Variants in RBFOX1 observed in about 807,000 individuals in gnomAD.
The protein encoded by RBFOX1 is RNA binding fox-1 homolog 1.
Under a neutral mutation model 57.7 loss-of-function variants are expected in RBFOX1, and 8 were observed. That is an observed-to-expected ratio of 0.14 (90% CI 0.08 to 0.25). The LOEUF is 0.25. Ranked by LOEUF, RBFOX1 falls within the 10% of genes least tolerant of loss-of-function variation. The pLI, the probability that RBFOX1 is intolerant of heterozygous loss-of-function variation, is 1.00. For synonymous variants in RBFOX1, 326 were observed against 222.4 expected (o/e 1.47, Z -4.15); for missense variants, 611 against 548.5 (o/e 1.11, Z -1.14).
intron 3 of RBFOX1, among the ~76,000 whole-genome samples, chr16:6,834,523 A>AATGC (rs1478317728): frequency 6.6e-6 from 1 of 152,048 alleles, no homozygotes; most frequent in Non-Finnish European, 1.5e-5. Flanking sequence ...TGAATGAATG[A>AATGC]ATGAATCAGT....
At chr16:5,892,195 C>T (rs967364725) in intron 4 of RBFOX1, among the ~76,000 whole-genome samples, 2 of 152,120 alleles carry the variant, frequency 1.3e-5, no homozygotes, top group African/African-American at 2.4e-5. Context: ...GAGGGGCTGG[C>T]AGTGCTAGGT....
chr16:7,654,753 A>G (rs1216004571), intron 12 of RBFOX1, among the ~76,000 whole-genome samples: 1 of 152,184 alleles, frequency 6.6e-6, no homozygotes, highest in African/African-American at 2.4e-5. Context: ...GGAGAAAGGG[A>G]TACCTCCAAG....
At chr16:7,543,245 T>C (rs75471238) in intron 5 of RBFOX1, among the ~76,000 whole-genome samples, 1 of 152,334 alleles carries the variant, frequency 6.6e-6, no homozygotes, top group East Asian at 1.9e-4. Flanking sequence ...TTTAGGCAAG[T>C]CTTACAAATC....
At chr16:5,348,646 G>A (rs77016253) in intron 1 of RBFOX1, among the ~76,000 whole-genome samples, 10,288 of 152,218 alleles carry the variant, frequency 0.068, 733 homozygotes, top group African/African-American at 0.18. Flanking sequence ...GACATGGAAC[G>A]TGAATTTATA....
intron 3 of RBFOX1, among the ~76,000 whole-genome samples, chr16:6,967,640 A>G (rs2084573122): frequency 6.6e-6 from 1 of 151,986 alleles, no homozygotes; most frequent in South Asian, 2.1e-4. Context: ...TTGAACAGCG[A>G]AGTGTGTGTT....
chr16:6,736,083 T>C (rs75325650), intron 3 of RBFOX1, among the ~76,000 whole-genome samples: 152,197 of 152,198 alleles, frequency 1, 76,098 homozygotes, highest in Middle Eastern at 1. Flanking sequence ...TACACAATTT[T>C]TGTTCAAATT....
chr16:5,818,570 C>A (rs778103890), intron 3 of RBFOX1, among the ~76,000 whole-genome samples: 41 of 152,258 alleles, frequency 2.7e-4, no homozygotes, highest in Middle Eastern at 3.4e-3. Flanking sequence ...TGGTCTAAGT[C>A]CATTAATAAG....
chr16:7,281,895 C>G (rs1439832244), intron 4 of RBFOX1, among the ~76,000 whole-genome samples: 1 of 152,092 alleles, frequency 6.6e-6, no homozygotes, highest in African/African-American at 2.4e-5. Context: ...AGGTCTTACT[C>G]TGTCACCCAG....
intron 4 of RBFOX1, among the ~76,000 whole-genome samples, chr16:5,886,109 A>T (rs2057892940): frequency 6.6e-6 from 1 of 152,124 alleles, no homozygotes; most frequent in South Asian, 2.1e-4. Context: ...CATGGTCATA[A>T]GCTTCCTGAG....
At chr16:7,387,124 G>A (rs577433617) in intron 4 of RBFOX1, among the ~76,000 whole-genome samples, 2 of 152,048 alleles carry the variant, frequency 1.3e-5, no homozygotes, top group South Asian at 4.2e-4. Context: ...CTGGATATTA[G>A]CCCTTTGTCA....
chr16:6,490,616 A>G (rs1311865643), intron 2 of RBFOX1, among the ~76,000 whole-genome samples: 5 of 152,188 alleles, frequency 3.3e-5, no homozygotes, highest in East Asian at 1.9e-4. Flanking sequence ...TATGGACTGC[A>G]TTTTACCTGA....
intron 2 of RBFOX1, among the ~76,000 whole-genome samples, chr16:6,488,931 T>C (rs1376274108): frequency 6.6e-6 from 1 of 152,148 alleles, no homozygotes; most frequent in Non-Finnish European, 1.5e-5. Flanking sequence ...GTAGAAGGTA[T>C]GTGTACTTCA....
chr16:6,239,842 A>T (rs2097530944), intron 1 of RBFOX1, among the ~76,000 whole-genome samples: 1 of 152,102 alleles, frequency 6.6e-6, no homozygotes, highest in Admixed American at 6.5e-5. Context: ...TTGATACGAC[A>T]GACTTTATTG....
chr16:6,703,990 C>G (rs963765908), intron 3 of RBFOX1: 7 of 152,470 alleles, frequency 4.6e-5, no homozygotes, highest in South Asian at 2.1e-4. Context: ...GATTTTAACC[C>G]TCTCTGTGTC....
chr16:5,594,970 A>T (rs544795641), intron 2 of RBFOX1, among the ~76,000 whole-genome samples: 4 of 25,602 alleles, frequency 1.6e-4, no homozygotes, highest in South Asian at 3.4e-3. Context: ...TGTCTCTACT[A>T]AAAAAAAAAA....
intron 3 of RBFOX1, among the ~76,000 whole-genome samples, chr16:6,767,938 T>G (rs201111811): frequency 0.049 from 4,085 of 83,950 alleles, 99 homozygotes; most frequent in African/African-American, 0.16. Flanking sequence ...ATAATAATAA[T>G]AATAATAATA....
intron 3 of RBFOX1, among the ~76,000 whole-genome samples, chr16:5,788,467 A>C (rs1421764218): frequency 6.6e-6 from 1 of 152,074 alleles, no homozygotes; most frequent in Non-Finnish European, 1.5e-5. Flanking sequence ...TGTCTCTACC[A>C]AAAATACAAA....
intron 1 of RBFOX1, among the ~76,000 whole-genome samples, chr16:6,084,127 A>T (rs900984290): frequency 1.4e-4 from 22 of 152,188 alleles, no homozygotes; most frequent in Non-Finnish European, 2.5e-4. Flanking sequence ...GCCAATAATA[A>T]TACCTCCCTC....
chr16:7,541,028 C>T (rs1037597700), intron 5 of RBFOX1, among the ~76,000 whole-genome samples: 24 of 152,168 alleles, frequency 1.6e-4, no homozygotes, highest in African/African-American at 5.6e-4. Flanking sequence ...TACCTCCCTG[C>T]CCAAGACCCA....
Sources: allele counts gnomAD v4.1 joint callset (sites outside exome capture counted in the v4.1 genomes callset), GRCh38; gene constraint gnomAD v4.1.1; transcripts MANE v1.5; gene names NCBI Gene and HGNC (gene_info 2026-07-23, HGNC 2026-07-21).